Variants in ANKRD42 observed in about 807,000 individuals in gnomAD.
The protein encoded by ANKRD42 is ankyrin repeat domain-containing protein 42.
A neutral mutation model predicts 51.5 loss-of-function variants in ANKRD42; 43 were observed. The observed-to-expected ratio is 0.83, with a 90% CI of 0.65 to 1.08. ANKRD42 has a LOEUF of 1.08. Among genes scored for constraint, ANKRD42 ranks in the 50% least tolerant of loss-of-function variants. ANKRD42 has a pLI of 0.00. For synonymous variants in ANKRD42, 203 were observed against 213.0 expected (o/e 0.95, Z 0.41); for missense variants, 608 against 629.3 (o/e 0.97, Z 0.36).
chr11:83,258,299 TTCATAAA>T (rs1863807204), downstream of ANKRD42, among the ~76,000 whole-genome samples: 1 of 152,172 alleles, frequency 6.6e-6, no homozygotes, highest in Non-Finnish European at 1.5e-5. Context: ...TGTATATTTA[TTCATAAA>T]TCATATACCT....
intron 5 of ANKRD42, chr11:83,214,334 C>G: frequency 1.5e-6 from 1 of 675,344 alleles, no homozygotes; most frequent in Non-Finnish European, 1.8e-6. Flanking sequence ...TTTATATTCC[C>G]AATCCTCCTA....
intron 1 of ANKRD42, among the ~76,000 whole-genome samples, chr11:83,196,677 C>A (rs1271473959): frequency 6.6e-6 from 1 of 152,154 alleles, no homozygotes; most frequent in Non-Finnish European, 1.5e-5. Flanking sequence ...TGTATCTTCT[C>A]TACTAATCTG....
chr11:83,239,331 A>G (rs1398087496), intron 8 of ANKRD42, among the ~76,000 whole-genome samples: 6 of 152,222 alleles, frequency 3.9e-5, no homozygotes, highest in Middle Eastern at 3.4e-3. Context: ...TTTTTCAGAT[A>G]TATACTTTGC....
rs1863612819 is a variant in ANKRD42 at position 83,248,611 on chromosome 11, C to T, written c.*407C>T. The T allele has an allele frequency of 4.4e-5, 43 of 986,808 alleles. No individual in the cohort carries two copies. Among genetic ancestry groups the T allele is most frequent in the Non-Finnish European group, 4.9e-5 (41 of 830,968 alleles). 61.1% of individuals were successfully genotyped at this position (986,808 alleles called of 1,614,324 possible). A position where few individuals can be genotyped will look rare whatever the true frequency, so the allele number is the denominator to read the frequency against. ...ATGGATGAATTAATTCTGTTTGAGG[C>T]TTGTGTCACCTCAAATCTGATCTAT... On this transcript the variant is annotated 3_prime_UTR_variant, in exon 11 of 11. Transcript: ENST00000533342.
At chr11:83,197,826 A>G (rs1861716827) in intron 1 of ANKRD42, among the ~76,000 whole-genome samples, 1 of 152,240 alleles carries the variant, frequency 6.6e-6, no homozygotes, top group Admixed American at 6.5e-5. Flanking sequence ...TTAGAAATAT[A>G]AGAAAGATGT....
chr11:83,211,655 A>C (rs909300914), intron 5 of ANKRD42, among the ~76,000 whole-genome samples: 22 of 151,488 alleles, frequency 1.5e-4, no homozygotes, highest in Non-Finnish European at 2.5e-4. Context: ...AAAGTAAAAG[A>C]AAGAAAAAAG....
rs60569543 is a variant in ANKRD42, at chr11:83,226,800, T to TAAACA, written c.788-926_788-922dup. 1.7e-4 allele frequency among the ~76,000 whole-genome samples: 26 copies of TAAACA among 151,044 alleles called. No homozygotes were observed. In the South Asian group the frequency reaches 3.6e-3, roughly 21 times the overall value. ...CAGTGACAAAGTGAGACCCTGCCTC[T>TAAACA]AAACAAAACAAAACAAAACAAAACA... is the stretch of plus-strand genomic sequence containing the variant. On this transcript the variant is annotated intron_variant, in intron 6 of 10. Coordinates refer to ENST00000533342, the MANE Select transcript of ANKRD42 (RefSeq NM_001300975.2).
intron 7 of ANKRD42, among the ~76,000 whole-genome samples, chr11:83,234,740 A>G (rs149283317): frequency 5.3e-5 from 8 of 152,270 alleles, no homozygotes; most frequent in Non-Finnish European, 1.0e-4. Context: ...ATTTTTGTCT[A>G]AAGTGGGGTT....
At chr11:83,255,263 C>G (rs186059691) in intron 11 of ANKRD42, among the ~76,000 whole-genome samples, 10 of 152,252 alleles carry the variant, frequency 6.6e-5, no homozygotes, top group African/African-American at 2.4e-4. Context: ...TTGCTCCTTC[C>G]CATGGTATTT....
intron 2 of ANKRD42, among the ~76,000 whole-genome samples, chr11:83,204,758 C>G (rs1222112727): frequency 2.0e-5 from 3 of 151,896 alleles, no homozygotes; most frequent in African/African-American, 7.3e-5. Flanking sequence ...AGAAGAAAAC[C>G]TTTGCAAATC....
chr11:83,251,898 G>A (rs1863681487), downstream of ANKRD42, among the ~76,000 whole-genome samples: 1 of 152,164 alleles, frequency 6.6e-6, no homozygotes, highest in Non-Finnish European at 1.5e-5. Flanking sequence ...AAAAAAATGT[G>A]TAGACTGGAC....
At chr11:83,220,163 G>T (rs72952671) in intron 5 of ANKRD42, among the ~76,000 whole-genome samples, 3,456 of 152,284 alleles carry the variant, frequency 0.023, 99 homozygotes, top group Non-Finnish European at 0.025. Context: ...GCACTCCCAG[G>T]TGTATTTTGG....
At position 83,229,724 on chromosome 11, in the gene ANKRD42, C is replaced by T. The variant is rs532471831; in HGVS notation, c.913+1852C>T. Among the ~76,000 whole-genome samples the T allele has an allele frequency of 2.0e-5, 3 of 152,272 alleles. No individual in the cohort carries two copies. The East Asian group carries it at 5.8e-4, about 29-fold the overall frequency. Reference sequence around the variant, plus strand: ...GCCAAAAGAGTTTGCTCTTCACCCTCTTTTCGTGAGTCCATCCATCAAGGA... The same window carrying T: ...GCCAAAAGAGTTTGCTCTTCACCCTTTTTTCGTGAGTCCATCCATCAAGGA... On this transcript the variant is annotated intron_variant, in intron 7 of 10. Coordinates refer to ENST00000533342, the MANE Select transcript of ANKRD42 (RefSeq NM_001300975.2).
chr11:83,246,200 A>T (rs1325939335), intron 10 of ANKRD42, among the ~76,000 whole-genome samples: 1 of 152,162 alleles, frequency 6.6e-6, no homozygotes, highest in African/African-American at 2.4e-5. Context: ...AAGAAATAGG[A>T]TGGTTGTGTC....
chr11:83,217,820 G>A (rs1439548934), intron 5 of ANKRD42, among the ~76,000 whole-genome samples: 3 of 152,216 alleles, frequency 2.0e-5, no homozygotes, highest in Non-Finnish European at 4.4e-5. Context: ...GCCCTACTAG[G>A]CAATTGGCCT....
At chr11:83,195,164 A>G (rs925563709) in intron 1 of ANKRD42, among the ~76,000 whole-genome samples, 1 of 152,106 alleles carries the variant, frequency 6.6e-6, no homozygotes, top group African/African-American at 2.4e-5. Context: ...TGATGATGCC[A>G]TCATTGGTTC....
At chr11:83,243,208 C>T (rs1485570349) in intron 9 of ANKRD42, among the ~76,000 whole-genome samples, 2 of 152,136 alleles carry the variant, frequency 1.3e-5, no homozygotes, top group African/African-American at 4.8e-5. Context: ...TTTTGATTTG[C>T]ATTTCTCTAA....
chr11:83,210,086 T>G, intron 3 of ANKRD42: 1 of 448,204 alleles, frequency 2.2e-6, no homozygotes, highest in Non-Finnish European at 3.9e-6. Flanking sequence ...AAGCCTTGAT[T>G]AGAGAGGAAG....
chr11:83,213,676 T>G (rs1463904513), intron 5 of ANKRD42: 5 of 608,032 alleles, frequency 8.2e-6, no homozygotes, highest in Non-Finnish European at 1.1e-5. Flanking sequence ...TTTGGTTTTT[T>G]TGTGTGTGTG....
Sources: allele counts gnomAD v4.1 joint callset (sites outside exome capture counted in the v4.1 genomes callset), GRCh38; gene constraint gnomAD v4.1.1; transcripts MANE v1.5; gene names NCBI Gene and HGNC (gene_info 2026-07-23, HGNC 2026-07-21).